The following RNF212B variants were observed in gnomAD, a reference collection of about 807,000 sequenced individuals.
The protein encoded by RNF212B is E3 ubiquitin-protein ligase RNF212B.
In RNF212B, 52 loss-of-function variants were observed where a neutral mutation model predicts 55.5. The ratio of observed to expected loss-of-function variants is 0.94; its 90% CI spans 0.75 to 1.18. RNF212B has a LOEUF of 1.18. Ranked by LOEUF, RNF212B falls within the 50% of genes most tolerant of loss-of-function variation. The pLI, the probability that RNF212B is intolerant of heterozygous loss-of-function variation, is 0.00. For synonymous variants in RNF212B, 99 were observed against 121.4 expected (o/e 0.82, Z 1.21); for missense variants, 289 against 350.4 (o/e 0.82, Z 1.40).
At chr14:23,187,430 C>T (rs1406178414) in intron 1 of RNF212B, among the ~76,000 whole-genome samples, 1 of 152,124 alleles carries the variant, frequency 6.6e-6, no homozygotes, top group East Asian at 1.9e-4. Flanking sequence ...CTCACAGCAG[C>T]CTCAAACTCC....
intron 2 of RNF212B, among the ~76,000 whole-genome samples, chr14:23,193,678 G>A (rs1878342433): frequency 1.3e-5 from 2 of 151,842 alleles, no homozygotes; most frequent in South Asian, 2.1e-4. Context: ...TAACTTCAAG[G>A]AATTGTTTGA....
intron 2 of RNF212B, among the ~76,000 whole-genome samples, chr14:23,224,387 C>T (rs1881829423): frequency 6.6e-6 from 1 of 152,194 alleles, no homozygotes; most frequent in Non-Finnish European, 1.5e-5. Flanking sequence ...CAGCATGCTA[C>T]TAGCATAAAA....
intron 6 of RNF212B, 71 bp from the exon 7 acceptor site, chr14:23,260,588 G>A: frequency 1.4e-6 from 2 of 1,429,448 alleles, no homozygotes; most frequent in South Asian, 2.5e-5. Flanking sequence ...TATCTCGCAA[G>A]TAAGACTGAA....
intron 11 of RNF212B, among the ~76,000 whole-genome samples, chr14:23,268,402 G>A (rs1444417847): frequency 1.3e-5 from 2 of 152,106 alleles, no homozygotes; most frequent in Non-Finnish European, 2.9e-5. Context: ...CACAAACCTT[G>A]CTGTTTTTAC....
At position 23,258,681 on chromosome 14, in the gene RNF212B, G is replaced by T; in HGVS notation, c.344+17G>T. ...CCAGGACAAGTAAGTAACAAATCAAGTCCCAAGAGAGCTTTTTTTTTTTTT... is the reference window on the plus strand; with the variant it reads ...CCAGGACAAGTAAGTAACAAATCAATTCCCAAGAGAGCTTTTTTTTTTTTT... On this transcript the variant is annotated intron_variant, in intron 5 of 14. Transcript: ENST00000430154. The T allele has an allele frequency of 2.9e-6, 3 of 1,019,982 alleles. No individual in the cohort carries two copies. The highest frequency in any genetic ancestry group is 4.2e-6 in the Non-Finnish European group (3 of 717,908). The allele number at this position is 1,019,982 out of a possible 1,614,324, so 63.2% of individuals were successfully genotyped here.
intron 14 of RNF212B, 61 bp from the exon 15 acceptor site, chr14:23,272,762 A>T: frequency 9.7e-7 from 1 of 1,026,434 alleles, no homozygotes; most frequent in Non-Finnish European, 1.5e-6. Flanking sequence ...GGTCAGAGAG[A>T]CTTGCTTGCC....
At chr14:23,262,877 C>G in intron 8 of RNF212B, 51 bp from the exon 9 acceptor site, 1 of 1,525,096 alleles carries the variant, frequency 6.6e-7, no homozygotes, top group Admixed American at 2.0e-5. Context: ...CCAGGCAAGG[C>G]AGGCATACCA....
At chr14:23,188,977 A>G (rs1372863072) in intron 1 of RNF212B, among the ~76,000 whole-genome samples, 3 of 152,258 alleles carry the variant, frequency 2.0e-5, no homozygotes, top group Non-Finnish European at 2.9e-5. Flanking sequence ...AACTAATTGT[A>G]GCAAGATGTA....
chr14:23,245,866 T>C (rs1883938320), intron 4 of RNF212B, among the ~76,000 whole-genome samples: 1 of 152,232 alleles, frequency 6.6e-6, no homozygotes. Context: ...TTGGTTTTGC[T>C]TATTGTTCTC....
At chr14:23,223,456 C>T (rs535212939) in intron 2 of RNF212B, among the ~76,000 whole-genome samples, 113 of 152,056 alleles carry the variant, frequency 7.4e-4, no homozygotes, top group African/African-American at 2.4e-3. Flanking sequence ...CACGGGTTCA[C>T]GCCATTCTTC....
intron 4 of RNF212B, among the ~76,000 whole-genome samples, chr14:23,245,030 G>T (rs1883889804): frequency 6.6e-6 from 1 of 152,056 alleles, no homozygotes; most frequent in South Asian, 2.1e-4. Context: ...AAAAACTTTG[G>T]TTTTTTTCCT....
intron 2 of RNF212B, among the ~76,000 whole-genome samples, chr14:23,206,868 C>G (rs1252863155): frequency 6.7e-6 from 1 of 150,158 alleles, no homozygotes; most frequent in East Asian, 2.0e-4. Flanking sequence ...CAGGTGAAAA[C>G]AGAATTCAGA....
intron 2 of RNF212B, among the ~76,000 whole-genome samples, chr14:23,242,662 T>C (rs1203821892): frequency 6.6e-6 from 1 of 152,002 alleles, no homozygotes; most frequent in Non-Finnish European, 1.5e-5. Flanking sequence ...AGAAGAAAAT[T>C]GGGAATTTAT....
chr14:23,249,644 A>C (rs559588206), intron 4 of RNF212B, among the ~76,000 whole-genome samples: 1 of 152,358 alleles, frequency 6.6e-6, no homozygotes, highest in Admixed American at 6.5e-5. Context: ...GAAACAGTGT[A>C]GTTGAATTCT....
chr14:23,232,294 A>G (rs183407361), intron 2 of RNF212B, among the ~76,000 whole-genome samples: 25,893 of 123,954 alleles, frequency 0.21, 2,281 homozygotes, highest in African/African-American at 0.23. Context: ...GCCCGGCCGC[A>G]ACCCCATCTG....
At chr14:23,269,785 C>G in intron 12 of RNF212B, 78 bp from the exon 13 acceptor site, 1 of 766,420 alleles carries the variant, frequency 1.3e-6, no homozygotes, top group East Asian at 2.7e-5. Flanking sequence ...GCTGTATAGG[C>G]TCTTCCATTA....
intron 2 of RNF212B, among the ~76,000 whole-genome samples, chr14:23,198,744 A>G (rs1878988317): frequency 6.6e-6 from 1 of 152,052 alleles, no homozygotes; most frequent in Admixed American, 6.6e-5. Flanking sequence ...CTCATGGTAT[A>G]TGGGTTAATA....
At chr14:23,264,955 A>G (rs999453271) in intron 11 of RNF212B, among the ~76,000 whole-genome samples, 1 of 151,532 alleles carries the variant, frequency 6.6e-6, no homozygotes, top group Non-Finnish European at 1.5e-5. Context: ...CCGAGTAGCT[A>G]GGATTACAGG....
chr14:23,270,536 C>T (rs1885998099), intron 13 of RNF212B, 64 bp from the exon 14 acceptor site: 2 of 1,168,504 alleles, frequency 1.7e-6, no homozygotes, highest in Non-Finnish European at 2.5e-6. Flanking sequence ...CCCTGACCCA[C>T]AAGTAACACT....
Sources: gnomAD v4.1 joint callset for allele counts (sites outside exome capture counted in the v4.1 genomes callset) on GRCh38, gnomAD v4.1.1 for gene constraint, MANE v1.5 for transcripts, NCBI Gene and HGNC (gene_info 2026-07-23, HGNC 2026-07-21) for gene names.